The following CNTN4 variants were observed in gnomAD, a reference collection of about 807,000 sequenced individuals.
CNTN4 encodes contactin 4, also known as contactin-4.
In CNTN4, 77 loss-of-function variants were observed where a neutral mutation model predicts 122.5. The ratio of observed to expected loss-of-function variants is 0.63; its 90% confidence interval spans 0.52 to 0.76. CNTN4 has a LOEUF of 0.76. CNTN4 is among the 30% of genes least tolerant of loss of function. The probability of loss-of-function intolerance (pLI) is 0.00; values close to 1 mark genes in which losing one functional copy is unlikely to be tolerated. For synonymous variants in CNTN4, 512 were observed against 447.0 expected (o/e 1.15, Z -1.83); for missense variants, 1,256 against 1,259.1 (o/e 1.00, Z 0.04).
chr3:3,035,008 G>A (rs1377518303), intron 17 of CNTN4, among the ~76,000 whole-genome samples: 1 of 152,080 alleles, frequency 6.6e-6, no homozygotes, highest in Non-Finnish European at 1.5e-5. Flanking sequence ...AATAGTATCT[G>A]TGAAATGGTA....
At chr3:2,220,211 C>T (rs1010466596) in intron 2 of CNTN4, among the ~76,000 whole-genome samples, 4 of 152,092 alleles carry the variant, frequency 2.6e-5, no homozygotes, top group Non-Finnish European at 4.4e-5. Flanking sequence ...TGGATTTCCC[C>T]AGATCTTCTC....
chr3:2,125,334 G>GTA (rs1056859423), intron 2 of CNTN4, among the ~76,000 whole-genome samples: 1 of 141,434 alleles, frequency 7.1e-6, no homozygotes, highest in Non-Finnish European at 1.6e-5. Flanking sequence ...TATTCTCTGT[G>GTA]TGTGTGTGTG....
intron 6 of CNTN4, among the ~76,000 whole-genome samples, chr3:2,746,668 A>G (rs1382149936): frequency 1.3e-5 from 2 of 152,232 alleles, no homozygotes; most frequent in African/African-American, 4.8e-5. Context: ...AATCCTCTCC[A>G]GGAACTCAAC....
At chr3:2,679,503 G>T (rs1473017472) in intron 4 of CNTN4, among the ~76,000 whole-genome samples, 3 of 152,194 alleles carry the variant, frequency 2.0e-5, no homozygotes, top group Non-Finnish European at 4.4e-5. Flanking sequence ...GAAGTGTGAT[G>T]ATTATGGATG....
intron 4 of CNTN4, among the ~76,000 whole-genome samples, chr3:2,579,346 G>A (rs1470947209): frequency 1.3e-5 from 2 of 152,206 alleles, no homozygotes; most frequent in Non-Finnish European, 2.9e-5. Flanking sequence ...TGTGGGATCA[G>A]TGATGCTGCC....
Position 2,986,585 on chromosome 3 carries a change from C to A in CNTN4, c.1359-1760C>A, listed in dbSNP as rs201693274. On this transcript the variant is annotated intron_variant, in intron 13 of 24. Transcript: ENST00000418658. Reference sequence around the variant, plus strand: ...AAAAAGTATATGCAGCATTTGCAACCCAGCGCATTTACATCTTCACCTGTG... The same window carrying A: ...AAAAAGTATATGCAGCATTTGCAACACAGCGCATTTACATCTTCACCTGTG... Among the ~76,000 whole-genome samples, 8 of 152,284 alleles carry A rather than the reference C, an allele frequency of 5.3e-5. No homozygotes were observed. The East Asian group carries it at 1.5e-3, about 29-fold the overall frequency.
chr3:2,780,076 C>G (rs2091507984), intron 6 of CNTN4, among the ~76,000 whole-genome samples: 1 of 152,098 alleles, frequency 6.6e-6, no homozygotes, highest in African/African-American at 2.4e-5. Context: ...AACATGTGAT[C>G]AAAGAGAAAA....
chr3:2,280,152 G>A (rs573428892), intron 2 of CNTN4, among the ~76,000 whole-genome samples: 27 of 152,100 alleles, frequency 1.8e-4, no homozygotes, highest in African/African-American at 5.8e-4. Flanking sequence ...TAGAGACAGG[G>A]TTTTCTCATG....
chr3:2,527,607 G>A (rs1351679888), intron 3 of CNTN4, among the ~76,000 whole-genome samples: 1 of 151,826 alleles, frequency 6.6e-6, no homozygotes, highest in African/African-American at 2.4e-5. Context: ...TGCTTCATCC[G>A]TAAAGCACCT....
At chr3:2,729,939 G>A (rs947873396) in intron 4 of CNTN4, among the ~76,000 whole-genome samples, 1 of 152,074 alleles carries the variant, frequency 6.6e-6, no homozygotes, top group Non-Finnish European at 1.5e-5. Context: ...ATAAACTTTA[G>A]AATGCATAAA....
chr3:2,284,041 C>T (rs2041819474), intron 2 of CNTN4, among the ~76,000 whole-genome samples: 1 of 151,546 alleles, frequency 6.6e-6, no homozygotes, highest in Middle Eastern at 3.2e-3. Context: ...CCAGCTGAAA[C>T]AGTAAGGGCA....
intron 4 of CNTN4, among the ~76,000 whole-genome samples, chr3:2,723,197 A>G (rs2149406182): frequency 6.6e-6 from 1 of 152,288 alleles, no homozygotes; most frequent in East Asian, 1.9e-4. Context: ...TTTAATTGGA[A>G]AATCAAGATT....
At chr3:2,698,372 A>T (rs1233958197) in intron 4 of CNTN4, among the ~76,000 whole-genome samples, 1 of 152,096 alleles carries the variant, frequency 6.6e-6, no homozygotes, top group African/African-American at 2.4e-5. Flanking sequence ...TGAGTCTGGA[A>T]CTTTGCAAGG....
chr3:2,937,437 T>C (rs903344333), intron 13 of CNTN4, among the ~76,000 whole-genome samples: 1 of 152,168 alleles, frequency 6.6e-6, no homozygotes, highest in African/African-American at 2.4e-5. Context: ...ATCTTCCCCA[T>C]ATTTCTGAAC....
chr3:2,921,750 C>T (rs1346670319), intron 12 of CNTN4, among the ~76,000 whole-genome samples: 3 of 152,176 alleles, frequency 2.0e-5, no homozygotes, highest in African/African-American at 7.2e-5. Flanking sequence ...CCAAATAGGA[C>T]TGCCACTGCA....
intron 3 of CNTN4, among the ~76,000 whole-genome samples, chr3:2,343,110 T>A (rs1288738209): frequency 2.0e-5 from 3 of 152,212 alleles, no homozygotes; most frequent in Non-Finnish European, 4.4e-5. Flanking sequence ...AGGAAATATA[T>A]GTTTTAGGAA....
chr3:2,225,403 A>G (rs745736874), intron 2 of CNTN4, among the ~76,000 whole-genome samples: 4 of 151,568 alleles, frequency 2.6e-5, no homozygotes, highest in Non-Finnish European at 4.4e-5. Flanking sequence ...AATCCCAGCT[A>G]CTTGGGAGGC....
chr3:2,186,375 G>C (rs36158154), intron 2 of CNTN4, among the ~76,000 whole-genome samples: 1 of 152,128 alleles, frequency 6.6e-6, no homozygotes, highest in Non-Finnish European at 1.5e-5. Flanking sequence ...ATTGTGAATA[G>C]TGCCGCAATA....
chr3:2,591,903 G>T (rs1281607315), intron 4 of CNTN4, among the ~76,000 whole-genome samples: 1 of 151,872 alleles, frequency 6.6e-6, no homozygotes, highest in African/African-American at 2.4e-5. Context: ...TTTGAGGCAG[G>T]GTCTCGTTCT....
Sources: gnomAD v4.1 joint callset for allele counts (sites outside exome capture counted in the v4.1 genomes callset) on GRCh38, gnomAD v4.1.1 for gene constraint, MANE v1.5 for transcripts, NCBI Gene and HGNC (gene_info 2026-07-23, HGNC 2026-07-21) for gene names.